The following RPH3AL variants were observed in gnomAD, a reference collection of about 807,000 sequenced individuals.
RPH3AL encodes rabphilin 3A like (without C2 domains).
In RPH3AL, 38 loss-of-function variants were observed where a neutral mutation model predicts 43.1. The observed-to-expected ratio is 0.88, with a 90% confidence interval of 0.68 to 1.15. The LOEUF is 1.15. RPH3AL is among the 50% of genes most tolerant of loss of function. The pLI, the probability that RPH3AL is intolerant of heterozygous loss-of-function variation, is 0.00. For synonymous variants in RPH3AL, 189 were observed against 176.3 expected, an observed-to-expected ratio of 1.07 and a Z score of -0.57; for missense variants, 462 against 423.2, an observed-to-expected ratio of 1.09 and a Z score of -0.81.
At chr17:292,935 GACAGAAGCCAGA>G (rs1362136144) in intron 5 of RPH3AL, among the ~76,000 whole-genome samples, 1 of 152,240 alleles carries the variant, frequency 6.6e-6, no homozygotes, top group Non-Finnish European at 1.5e-5. Context: ...CCGGGTCTGA[GACAGAAGCCAGA>G]GGCAAGTGGA....
intron 6 of RPH3AL, among the ~76,000 whole-genome samples, chr17:263,608 T>C (rs1388392715): frequency 1.3e-5 from 2 of 152,342 alleles, no homozygotes; most frequent in South Asian, 2.1e-4. Flanking sequence ...GCTGATATTA[T>C]TAAATCCTCG....
intron 6 of RPH3AL, among the ~76,000 whole-genome samples, chr17:253,022 G>GTT (rs2041947634): frequency 6.6e-6 from 1 of 152,214 alleles, no homozygotes; most frequent in African/African-American, 2.4e-5. Flanking sequence ...GGAGGCTACA[G>GTT]TAAGTGTTTT....
At chr17:348,268 G>A (rs1374602985) in intron 1 of RPH3AL, among the ~76,000 whole-genome samples, 5 of 152,062 alleles carry the variant, frequency 3.3e-5, no homozygotes, top group Non-Finnish European at 7.4e-5. Flanking sequence ...GGATTGCAGG[G>A]GATTTTGAAG....
chr17:309,625 A>G (rs7502587), intron 5 of RPH3AL, among the ~76,000 whole-genome samples: 60,106 of 64,122 alleles, frequency 0.94, 28,175 homozygotes, highest in South Asian at 0.95. Context: ...GATATGGCAC[A>G]TCCCCCGTCC....
chr17:311,972 G>C (rs2043656723), intron 5 of RPH3AL, among the ~76,000 whole-genome samples: 1 of 152,156 alleles, frequency 6.6e-6, no homozygotes, highest in African/African-American at 2.4e-5. Context: ...GAGGGTGCAA[G>C]GGTGAGGCCC....
intron 6 of RPH3AL, among the ~76,000 whole-genome samples, chr17:249,520 C>G (rs959798604): frequency 1.3e-5 from 2 of 152,024 alleles, no homozygotes; most frequent in Non-Finnish European, 2.9e-5. Flanking sequence ...TGCCACCTGG[C>G]AAACACAAAC....
intron 5 of RPH3AL, among the ~76,000 whole-genome samples, chr17:317,620 C>T (rs1035043052): frequency 3.3e-5 from 5 of 152,324 alleles, no homozygotes; most frequent in Admixed American, 3.3e-4. Context: ...CACCCAGGCC[C>T]CCATCTCCCC....
At position 345,441 on chromosome 17, in the gene RPH3AL, C is replaced by T. The variant is rs1026743830; in HGVS notation, c.-213+7271G>A. The stretch of plus-strand genomic sequence containing the variant: ...CAGGAACTTCCTCAAACAAAACCAC[C>T]GGGGGGTTCATCCTCAGAGAAGCTG... On this transcript the variant is annotated intron_variant, in intron 1 of 9. Transcript: ENST00000331302. Among the ~76,000 whole-genome samples the T allele has an allele frequency of 3.0e-5, 4 of 135,188 alleles. 1 individual carries two copies. Among genetic ancestry groups the T allele is most frequent in the Admixed American group, 7.1e-5 (1 of 14,088 alleles). 88.7% of individuals were successfully genotyped at this position (135,188 alleles called of 152,430 possible).
rs894248604 is a variant in RPH3AL at position 301,454 on chromosome 17, C to T, written c.351+17966G>A. Among the ~76,000 whole-genome samples the T allele has an allele frequency of 4.6e-5, 7 of 152,244 alleles. No individual in the cohort carries two copies. In the East Asian group the frequency reaches 1.2e-3, roughly 25 times the overall value. ...CAGTAGTTGAGATTATGGGTGCGCA[C>T]CACCGTGCCTGGCTAATTTTTGTAT... On this transcript the variant is annotated intron_variant, in intron 5 of 9. Coordinates refer to ENST00000331302, the MANE Select transcript of RPH3AL (RefSeq NM_006987.4).
rs2044498073 is a variant in RPH3AL at position 322,082 on chromosome 17, A to G, written c.78-667T>C. Among the ~76,000 whole-genome samples, 1 of 152,130 alleles carries G rather than the reference A, an allele frequency of 6.6e-6. No homozygotes were observed. Among genetic ancestry groups the G allele is most frequent in the Admixed American group, 6.5e-5 (1 of 15,272 alleles). On this transcript the variant is annotated intron_variant, in intron 3 of 9. Coordinates refer to ENST00000331302, the MANE Select transcript of RPH3AL (RefSeq NM_006987.4). The surrounding 1 kb of genome is among the most constrained non-coding windows in gnomAD (Gnocchi z 4.0). ...ACTAGCAGGTTCGAGGCGGGGGGGA[A>G]GCGAGTTACAGAAGAGGAGCCGTGG...
At chr17:331,042 C>G (rs2044741599) in intron 2 of RPH3AL, 1 of 148,512 alleles carries the variant, frequency 6.7e-6, no homozygotes, top group African/African-American at 2.5e-5. Flanking sequence ...TGATTTGGAC[C>G]CTGCTGAGTT....
chr17:319,545 G>GC lies in RPH3AL; in HGVS notation c.225dup (p.Leu76AlafsTer64), dbSNP rs1201413829. On this transcript the variant is annotated frameshift_variant, in exon 5 of 10. Transcript: ENST00000331302. LOFTEE classifies it high-confidence loss of function. ...CTCATGGTCTCCAGCCGCTCCACCAGCCGCCTGCAGCACAGGACACAGAGT... is the reference window on the plus strand; with the variant it reads ...CTCATGGTCTCCAGCCGCTCCACCAGCCCGCCTGCAGCACAGGACACAGAGT... 6.2e-7 allele frequency: 1 copy of GC among 1,610,604 alleles called. No individual in the cohort carries two copies. Among genetic ancestry groups the GC allele is most frequent in the African/African-American group, 1.3e-5 (1 of 74,894 alleles).
intron 6 of RPH3AL, among the ~76,000 whole-genome samples, chr17:278,970 G>A (rs1427780035): frequency 6.6e-6 from 1 of 152,154 alleles, no homozygotes; most frequent in Non-Finnish European, 1.5e-5. Flanking sequence ...AGAGATGATG[G>A]AAGTGAAGCA....
At chr17:311,055 C>T (rs567250189) in intron 5 of RPH3AL, among the ~76,000 whole-genome samples, 19 of 152,114 alleles carry the variant, frequency 1.2e-4, no homozygotes, top group African/African-American at 3.6e-4. Context: ...AAATGCAGCT[C>T]GTCCCCTGAA....
At chr17:263,993 C>A (rs537453199) in intron 6 of RPH3AL, among the ~76,000 whole-genome samples, 3 of 152,128 alleles carry the variant, frequency 2.0e-5, no homozygotes, top group African/African-American at 7.2e-5. Context: ...CTGAGGGTAT[C>A]GTGCTGTTAG....
intron 5 of RPH3AL, among the ~76,000 whole-genome samples, chr17:315,523 A>ACTCCCT (rs2043982862): frequency 6.6e-6 from 1 of 151,856 alleles, no homozygotes; most frequent in Non-Finnish European, 1.5e-5. Flanking sequence ...ATTGACCTGT[A>ACTCCCT]GTCCCTGTGC....
chr17:251,989 T>C (rs75646102), intron 6 of RPH3AL, among the ~76,000 whole-genome samples: 2 of 151,346 alleles, frequency 1.3e-5, no homozygotes, highest in African/African-American at 4.9e-5. Flanking sequence ...TTTTTTTTTT[T>C]TGAGACAGGG....
Position 219,710 on chromosome 17 carries a change from AGTCACT to A in RPH3AL, c.634_639del (p.Ser214_Asp215del), listed in dbSNP as rs769454080. ...TCTAGGCTGGAGGAGCTAAGATCCG[AGTCACT>A]GTCACTGTCACTGGAAACCACTGGA... On this transcript the variant is annotated inframe_deletion, in exon 8 of 10. Transcript: ENST00000331302. The A allele has an allele frequency of 3.0e-5, 49 of 1,613,436 alleles. No individual in the cohort carries two copies. In the South Asian group the frequency reaches 4.8e-4, roughly 16 times the overall value.
Position 246,490 on chromosome 17 carries a change from C to T in RPH3AL, c.613+621G>A, listed in dbSNP as rs575027579. Among the ~76,000 whole-genome samples, 18 of 152,252 alleles carry T rather than the reference C, an allele frequency of 1.2e-4. No individual in the cohort carries two copies. The highest frequency in any genetic ancestry group is 7.8e-4 in the Admixed American group (12 of 15,298). ...TAAAATGCAGTCATTAAATAACTTC[C>T]GAGCCTGTTGTGAGACCAGGAACTT... On this transcript the variant is annotated intron_variant, in intron 7 of 9. Coordinates refer to ENST00000331302, the MANE Select transcript of RPH3AL (RefSeq NM_006987.4). This position sits in a 1 kb window ranked among gnomAD's most constrained non-coding sequence, Gnocchi z 4.8.
Sources: allele counts gnomAD v4.1 joint callset (sites outside exome capture counted in the v4.1 genomes callset), GRCh38; gene constraint gnomAD v4.1.1; non-coding constraint Gnocchi (gnomAD v3.1); transcripts MANE v1.5; gene names NCBI Gene and HGNC (gene_info 2026-07-23, HGNC 2026-07-21).